CHRM1: variants seen among roughly 807,000 people sequenced by gnomAD.
CHRM1 encodes cholinergic receptor muscarinic 1.
Under a neutral mutation model 31.6 loss-of-function variants are expected in CHRM1, and 5 were observed. The observed-to-expected ratio is 0.16, with a 90% CI of 0.08 to 0.33. The LOEUF (loss-of-function observed/expected upper bound fraction) is 0.33. Among genes scored for constraint, CHRM1 ranks in the 10% least tolerant of loss-of-function variants. The pLI is 1.00. For synonymous variants in CHRM1, 227 were observed against 249.7 expected (o/e 0.91, Z 0.86); for missense variants, 338 against 610.3 (o/e 0.55, Z 4.70).
intron 1 of CHRM1, among the ~76,000 whole-genome samples, chr11:62,914,760 G>A (rs2085891469): frequency 1.3e-5 from 2 of 152,198 alleles, no homozygotes; most frequent in Admixed American, 6.5e-5. Flanking sequence ...TGTATCCCTG[G>A]GCCCTTGGCA....
intron 1 of CHRM1, among the ~76,000 whole-genome samples, chr11:62,918,615 GGTGCCAGGACAGACATGGAC>G (rs2085913529): frequency 1.3e-5 from 2 of 152,236 alleles, no homozygotes; most frequent in Non-Finnish European, 2.9e-5. Context: ...AGCTAAGTGA[GGTGCCAGGACAGACATGGAC>G]GTGCCAAAGC....
At chr11:62,917,731 G>A (rs1189024635) in intron 1 of CHRM1, among the ~76,000 whole-genome samples, 1 of 152,152 alleles carries the variant, frequency 6.6e-6, no homozygotes, top group Admixed American at 6.5e-5. Flanking sequence ...GTGGCCTCCT[G>A]ATGAAGGCTG....
At chr11:62,916,475 C>A (rs1410752533) in intron 1 of CHRM1, among the ~76,000 whole-genome samples, 1 of 152,252 alleles carries the variant, frequency 6.6e-6, no homozygotes, top group Middle Eastern at 3.4e-3. Flanking sequence ...AGAAGTAACT[C>A]AAGGAGTCCT....
chr11:62,912,090 C>A (rs2085874018), intron 1 of CHRM1, among the ~76,000 whole-genome samples: 1 of 151,398 alleles, frequency 6.6e-6, no homozygotes, highest in African/African-American at 2.4e-5. Flanking sequence ...CTGGGGCAGG[C>A]CGGCGTGGTG....
At chr11:62,917,560 C>T (rs2085906963) in intron 1 of CHRM1, among the ~76,000 whole-genome samples, 2 of 152,088 alleles carry the variant, frequency 1.3e-5, no homozygotes, top group South Asian at 4.1e-4. Context: ...GGGGTGAACT[C>T]CTAGGATGAG....
chr11:62,919,911 G>T (rs1436526314), intron 1 of CHRM1, among the ~76,000 whole-genome samples: 1 of 152,132 alleles, frequency 6.6e-6, no homozygotes, highest in Non-Finnish European at 1.5e-5. Context: ...CTCCTTTCTA[G>T]GTCTGACATG....
chr11:62,915,170 GTC>G (rs1308831605), intron 1 of CHRM1, among the ~76,000 whole-genome samples: 2 of 84,216 alleles, frequency 2.4e-5, no homozygotes, highest in African/African-American at 9.8e-5. Flanking sequence ...GTGAGACCCT[GTC>G]TCAAAAAAAA....
At chr11:62,918,302 C>G (rs572887617) in intron 1 of CHRM1, 1 of 152,352 alleles carries the variant, frequency 6.6e-6, no homozygotes, top group East Asian at 1.9e-4. Context: ...CTGTCTCATT[C>G]AATGCTTTAT....
intron 1 of CHRM1, among the ~76,000 whole-genome samples, chr11:62,915,503 G>A (rs1394310251): frequency 1.3e-5 from 2 of 152,112 alleles, no homozygotes; most frequent in East Asian, 3.9e-4. Flanking sequence ...GCTGGAATTT[G>A]CTATTTGATT....
At chr11:62,919,360 A>C (rs546829330) in intron 1 of CHRM1, among the ~76,000 whole-genome samples, 1 of 152,278 alleles carries the variant, frequency 6.6e-6, no homozygotes, top group African/African-American at 2.4e-5. Flanking sequence ...GCTACATGAA[A>C]CACACTGCTT....
At chr11:62,920,383 A>C (rs1186225690) in intron 1 of CHRM1, among the ~76,000 whole-genome samples, 1 of 152,182 alleles carries the variant, frequency 6.6e-6, no homozygotes, top group Non-Finnish European at 1.5e-5. Context: ...CAACTCTACA[A>C]GCATCAGAGT....
chr11:62,912,367 CAAA>C (rs571661164), intron 1 of CHRM1, among the ~76,000 whole-genome samples: 1 of 67,268 alleles, frequency 1.5e-5, no homozygotes, highest in Non-Finnish European at 2.9e-5. Flanking sequence ...GACTCCATCT[CAAA>C]AAAAAAAAAA....
In CHRM1 at chr11:62,910,879, G is replaced by A. The variant is rs139895694; in HGVS notation, c.222C>T (p.Ile74=). ...LLSLACADLI[I]GTFSMNLYTT... ...TATAGAGGTTCATGGAGAAGGTACC[G>A]ATGATGAGGTCAGCACAGGCCAGGC... The change falls in exon 2 of 2, where the codon ATC becomes ATT. Residue 74 remains isoleucine (I), a synonymous_variant. Coordinates refer to ENST00000306960, the MANE Select transcript of CHRM1 (RefSeq NM_000738.3). This position sits in a 1 kb window ranked among gnomAD's most constrained non-coding sequence, Gnocchi z 8.7. 30 of 1,613,990 alleles carry A rather than the reference G, an allele frequency of 1.9e-5. No homozygotes were observed. The highest frequency in any genetic ancestry group is 6.7e-5 in the Admixed American group (4 of 59,998).
rs776349226 is a variant in CHRM1, at chr11:62,910,260, C to T, written c.841G>A (p.Asp281Asn). ...GTGAGGGACTCCATGGAGCCTTCGTCCTCTTCCTCTTCTTCCTTCCAGCTG... is the reference window on the plus strand; with the variant it reads ...GTGAGGGACTCCATGGAGCCTTCGTTCTCTTCCTCTTCTTCCTTCCAGCTG... ...AYSWKEEEEE[D>N]EGSMESLTSS... is the part of the protein sequence containing the mutation. The change falls in exon 2 of 2, where the codon GAC becomes AAC. Residue 281 changes from aspartate (D) to asparagine (N), a missense_variant. Coordinates refer to ENST00000306960, the MANE Select transcript of CHRM1 (RefSeq NM_000738.3). The surrounding 1 kb of genome is among the most constrained non-coding windows in gnomAD (Gnocchi z 8.7). The T allele has an allele frequency of 1.2e-6, 2 of 1,613,404 alleles. No homozygotes were observed. Among genetic ancestry groups the T allele is most frequent in the African/African-American group, 1.3e-5 (1 of 74,920 alleles).
intron 1 of CHRM1, among the ~76,000 whole-genome samples, chr11:62,916,533 G>A (rs577148107): frequency 6.6e-6 from 1 of 152,244 alleles, no homozygotes; most frequent in East Asian, 1.9e-4. Flanking sequence ...TGAGGAAGCC[G>A]GCAGTCCCTT....
rs1423708141 is a variant in CHRM1 at position 62,910,046 on chromosome 11, C to T, written c.1055G>A (p.Arg352Gln). The T allele has an allele frequency of 4.3e-6, 7 of 1,613,574 alleles. No individual in the cohort carries two copies. The highest frequency in any genetic ancestry group is 1.7e-5 in the Admixed American group (1 of 60,022). Residue 352 changes from arginine to glutamine, a missense_variant, in exon 2 of 2, where the codon CGG becomes CAG. By Grantham distance (43) the Arg-to-Gln change is conservative. Around this residue, in one of 4 missense-constraint regions of CHRM1, gnomAD observed 183 missense variants for 223.4 expected, o/e 0.82. Coordinates refer to ENST00000306960, the MANE Select transcript of CHRM1 (RefSeq NM_000738.3). This position sits in a 1 kb window ranked among gnomAD's most constrained non-coding sequence, Gnocchi z 8.7. ...KPRGKEQLAK[R>Q]KTFSLVKEKK... is the part of the protein sequence containing the mutation. ...CTCCTTGACCAGCGAGAAGGTCTTC[C>T]GCTTGGCCAGCTGCTCCTTTCCACG...
intron 1 of CHRM1, among the ~76,000 whole-genome samples, chr11:62,917,448 C>T (rs953929111): frequency 2.0e-5 from 3 of 152,174 alleles, no homozygotes; most frequent in Non-Finnish European, 4.4e-5. Flanking sequence ...GAAGACCCCC[C>T]GAGGCAGTCC....
At chr11:62,914,024 C>G (rs1363850558) in intron 1 of CHRM1, among the ~76,000 whole-genome samples, 1 of 151,720 alleles carries the variant, frequency 6.6e-6, no homozygotes, top group African/African-American at 2.4e-5. Context: ...CTCACTGCAA[C>G]CTCCGCCTCC....
intron 1 of CHRM1, among the ~76,000 whole-genome samples, chr11:62,919,003 AG>A (rs1259210079): frequency 6.6e-6 from 1 of 151,558 alleles, no homozygotes; most frequent in East Asian, 1.9e-4. Flanking sequence ...GGTTAGGAAG[AG>A]GGGATAACAT....
Sources: allele counts gnomAD v4.1 joint callset (sites outside exome capture counted in the v4.1 genomes callset), GRCh38; gene constraint gnomAD v4.1.1; regional missense constraint gnomAD v4.1.1; non-coding constraint Gnocchi (gnomAD v3.1); transcripts MANE v1.5; gene names NCBI Gene and HGNC (gene_info 2026-07-23, HGNC 2026-07-21).